The following CACNG3 variants were observed in gnomAD, a reference collection of about 807,000 sequenced individuals.
CACNG3 encodes calcium voltage-gated channel auxiliary subunit gamma 3.
In CACNG3, 3 loss-of-function variants were observed where a neutral mutation model predicts 28.5. The ratio of observed to expected loss-of-function variants is 0.11; its 90% CI spans 0.05 to 0.27. The LOEUF is 0.27. CACNG3 is among the 10% of genes least tolerant of loss of function. The pLI is 1.00. For synonymous variants in CACNG3, 174 were observed against 162.2 expected (o/e 1.07, Z -0.55); for missense variants, 236 against 414.4 (o/e 0.57, Z 3.74).
chr16:24,274,304 GT>G lies in CACNG3; in HGVS notation c.211+17340del, dbSNP rs534800123. Among the ~76,000 whole-genome samples the G allele has an allele frequency of 3.9e-3, 590 of 152,044 alleles. 1 individual carries two copies. Among genetic ancestry groups the G allele is most frequent in the African/African-American group, 0.014 (571 of 41,452 alleles). ...CTGACACATTACTTAACCTCTCTGTGTCTGTTTCCTCACCTATAAAAAGGGG... is the reference window on the plus strand; with the variant it reads ...CTGACACATTACTTAACCTCTCTGTGCTGTTTCCTCACCTATAAAAAGGGG... On this transcript the variant is annotated intron_variant, in intron 1 of 3. Coordinates refer to ENST00000005284, the MANE Select transcript of CACNG3 (RefSeq NM_006539.4).
At chr16:24,281,680 T>C (rs1021887148) in intron 1 of CACNG3, among the ~76,000 whole-genome samples, 1 of 152,170 alleles carries the variant, frequency 6.6e-6, no homozygotes. Context: ...CGTGATTCAA[T>C]CTTGAAGTAG....
chr16:24,343,642 C>A (rs1055528546), intron 1 of CACNG3, among the ~76,000 whole-genome samples: 2 of 152,192 alleles, frequency 1.3e-5, no homozygotes, highest in African/African-American at 4.8e-5. Context: ...GTTCACAATA[C>A]AGACTTGTTG....
chr16:24,336,676 A>T (rs1482925464), intron 1 of CACNG3, among the ~76,000 whole-genome samples: 2 of 116,242 alleles, frequency 1.7e-5, no homozygotes, highest in African/African-American at 5.3e-5. Flanking sequence ...AGAACAAGAG[A>T]GCTCTCTGGA....
chr16:24,329,852 T>C (rs781307634), intron 1 of CACNG3, among the ~76,000 whole-genome samples: 2 of 152,006 alleles, frequency 1.3e-5, no homozygotes, highest in Non-Finnish European at 2.9e-5. Context: ...CTGGCCAACA[T>C]GGTGAAATCT....
At chr16:24,323,620 T>C (rs1899495962) in intron 1 of CACNG3, among the ~76,000 whole-genome samples, 1 of 152,214 alleles carries the variant, frequency 6.6e-6, no homozygotes, top group Admixed American at 6.5e-5. Flanking sequence ...TGAGGTTGGA[T>C]CACAGCAACG....
At chr16:24,357,839 A>G (rs1374530571) in intron 3 of CACNG3, among the ~76,000 whole-genome samples, 2 of 152,226 alleles carry the variant, frequency 1.3e-5, no homozygotes, top group African/African-American at 2.4e-5. Flanking sequence ...GAAGATCATT[A>G]TGTTGTCCCC....
At chr16:24,323,025 A>C (rs1047675624) in intron 1 of CACNG3, among the ~76,000 whole-genome samples, 1 of 152,066 alleles carries the variant, frequency 6.6e-6, no homozygotes, top group South Asian at 2.1e-4. Context: ...CAGGAATATG[A>C]GACCAGCCTG....
intron 1 of CACNG3, among the ~76,000 whole-genome samples, chr16:24,331,367 T>A (rs10775271): frequency 0.75 from 113,943 of 152,042 alleles, 42,857 homozygotes; most frequent in Middle Eastern, 0.86. Context: ...TAGCAAGGAC[T>A]GTCATTCCTC....
intron 1 of CACNG3, among the ~76,000 whole-genome samples, chr16:24,295,224 G>C (rs1289088552): frequency 6.6e-6 from 1 of 152,134 alleles, no homozygotes; most frequent in Non-Finnish European, 1.5e-5. Context: ...GCCTGAACTG[G>C]AGCCCCGATG....
intron 1 of CACNG3, among the ~76,000 whole-genome samples, chr16:24,300,846 G>T (rs769082979): frequency 3.3e-5 from 5 of 152,082 alleles, no homozygotes; most frequent in Non-Finnish European, 7.3e-5. Context: ...AAGGTCAGGA[G>T]TTTGACACCA....
chr16:24,269,766 A>G (rs1055481894), intron 1 of CACNG3, among the ~76,000 whole-genome samples: 27 of 149,200 alleles, frequency 1.8e-4, no homozygotes, highest in East Asian at 7.7e-4. Flanking sequence ...AAAAAAAAAA[A>G]AGAGAAAGAA....
chr16:24,300,694 A>T (rs1160976188), intron 1 of CACNG3, among the ~76,000 whole-genome samples: 1 of 151,416 alleles, frequency 6.6e-6, no homozygotes, highest in Non-Finnish European at 1.5e-5. Flanking sequence ...AGGCCAAGGT[A>T]GGCAGATCAC....
chr16:24,303,264 G>A (rs1260445891), intron 1 of CACNG3, among the ~76,000 whole-genome samples: 1 of 152,024 alleles, frequency 6.6e-6, no homozygotes, highest in Admixed American at 6.6e-5. Context: ...AAACTCTTGG[G>A]TCCACAGTTA....
chr16:24,269,660 T>C (rs1793611315), intron 1 of CACNG3, among the ~76,000 whole-genome samples: 1 of 142,734 alleles, frequency 7.0e-6, no homozygotes, highest in Admixed American at 7.5e-5. Flanking sequence ...GGTGGTAGAA[T>C]AGCTTAAACC....
intron 3 of CACNG3, among the ~76,000 whole-genome samples, chr16:24,358,342 G>A (rs1900062985): frequency 6.6e-6 from 1 of 152,168 alleles, no homozygotes; most frequent in Non-Finnish European, 1.5e-5. Flanking sequence ...ACCTTTCTGT[G>A]CTTCCATTTA....
At chr16:24,267,423 G>T (rs569489586) in intron 1 of CACNG3, among the ~76,000 whole-genome samples, 1 of 151,978 alleles carries the variant, frequency 6.6e-6, no homozygotes, top group Admixed American at 6.5e-5. Flanking sequence ...GAGTAGCTGC[G>T]ACTACAGGCA....
At chr16:24,329,777 G>A (rs1257326346) in intron 1 of CACNG3, among the ~76,000 whole-genome samples, 4 of 152,216 alleles carry the variant, frequency 2.6e-5, no homozygotes, top group African/African-American at 7.2e-5. Flanking sequence ...GCTCACGCCT[G>A]TAATCCCAAC....
chr16:24,353,757 G>T (rs1219620771), intron 2 of CACNG3, among the ~76,000 whole-genome samples: 5 of 152,342 alleles, frequency 3.3e-5, no homozygotes, highest in African/African-American at 9.6e-5. Context: ...TATTCAATGG[G>T]TGTTGTCATA....
chr16:24,305,350 G>GTA (rs1322980294), intron 1 of CACNG3, among the ~76,000 whole-genome samples: 3 of 139,776 alleles, frequency 2.1e-5, no homozygotes, highest in Non-Finnish European at 4.9e-5. Context: ...GTGTGTGTGT[G>GTA]TGTGTGTGTG....
Sources: allele counts gnomAD v4.1 joint callset (sites outside exome capture counted in the v4.1 genomes callset), GRCh38; gene constraint gnomAD v4.1.1; transcripts MANE v1.5; gene names NCBI Gene and HGNC (gene_info 2026-07-23, HGNC 2026-07-21).